The following TNFAIP8 variants were observed in gnomAD, a reference collection of about 807,000 sequenced individuals.
TNFAIP8 encodes the protein TNF alpha induced protein 8.
Under a neutral mutation model 13.3 loss-of-function variants are expected in TNFAIP8, and 7 were observed. The ratio of observed to expected loss-of-function variants is 0.52; its 90% confidence interval spans 0.30 to 0.99. The LOEUF is 0.99. TNFAIP8 is among the 50% of genes least tolerant of loss of function. The pLI is 0.07. For synonymous variants in TNFAIP8, 94 were observed against 87.6 expected (o/e 1.07, Z -0.41); for missense variants, 258 against 236.9 (o/e 1.09, Z -0.58).
chr5:119,275,309 G>C (rs1176990311), intron 1 of TNFAIP8, among the ~76,000 whole-genome samples: 1 of 152,136 alleles, frequency 6.6e-6, no homozygotes, highest in Non-Finnish European at 1.5e-5. Context: ...AGTCTGCCCA[G>C]TGTTCATTAG....
At chr5:119,318,892 G>A (rs985394872) in intron 1 of TNFAIP8, among the ~76,000 whole-genome samples, 4 of 152,118 alleles carry the variant, frequency 2.6e-5, no homozygotes, top group South Asian at 2.1e-4. Context: ...GTACTCTTAC[G>A]TGTTTGGGTC....
intron 1 of TNFAIP8, among the ~76,000 whole-genome samples, chr5:119,382,989 G>C (rs1277868779): frequency 6.6e-6 from 1 of 152,180 alleles, no homozygotes; most frequent in Non-Finnish European, 1.5e-5. Flanking sequence ...AGTTAAAATG[G>C]TTCTTTATTG....
chr5:119,271,525 G>C (rs1748291641), intron 1 of TNFAIP8, among the ~76,000 whole-genome samples: 1 of 152,204 alleles, frequency 6.6e-6, no homozygotes, highest in Non-Finnish European at 1.5e-5. Flanking sequence ...AGCAGTTGAA[G>C]GGGCTGAAAA....
chr5:119,385,695 A>G (rs1272842733), intron 1 of TNFAIP8, among the ~76,000 whole-genome samples: 1 of 152,224 alleles, frequency 6.6e-6, no homozygotes, highest in Non-Finnish European at 1.5e-5. Flanking sequence ...TTATTAGCTG[A>G]ACTATGTGAG....
chr5:119,361,121 A>G (rs911061601), intron 1 of TNFAIP8, among the ~76,000 whole-genome samples: 3 of 152,172 alleles, frequency 2.0e-5, no homozygotes, highest in Non-Finnish European at 4.4e-5. Context: ...TGCTATTGCA[A>G]AAGCAGACAT....
At chr5:119,320,260 G>T (rs759154612) in intron 1 of TNFAIP8, among the ~76,000 whole-genome samples, 6 of 152,116 alleles carry the variant, frequency 3.9e-5, no homozygotes, top group Non-Finnish European at 8.8e-5. Flanking sequence ...ATTGGTTCAG[G>T]GTCCCTAAAG....
chr5:119,286,793 A>G (rs10452544), intron 1 of TNFAIP8, among the ~76,000 whole-genome samples: 1,546 of 152,270 alleles, frequency 0.01, 16 homozygotes, highest in African/African-American at 0.035. Flanking sequence ...GTGAAACTGT[A>G]TGCAACTTCC....
At position 119,322,703 on chromosome 5, in the gene TNFAIP8, A is replaced by G. The variant is rs190736374; in HGVS notation, c.1+53796A>G. On this transcript the variant is annotated intron_variant, in intron 1 of 1. Coordinates refer to the TNFAIP8 transcript ENST00000274456. ...TTGCAGGCTTCTTCCTCTTTGTCCA[A>G]TATCAAAACGTTGGTATTTCTTAGG... Among the ~76,000 whole-genome samples the G allele has an allele frequency of 7.3e-4, 111 of 152,016 alleles. 2 individuals are homozygous for G. In the East Asian group the frequency reaches 0.017, roughly 24 times the overall value.
chr5:119,355,771 T>G, upstream of TNFAIP8: 3 of 302,770 alleles, frequency 9.9e-6, no homozygotes, highest in African/African-American at 2.2e-5. Flanking sequence ...TCGGCTGCCG[T>G]CTGGGCCTGT....
At chr5:119,305,610 G>GC (rs1749526363) in intron 1 of TNFAIP8, among the ~76,000 whole-genome samples, 1 of 150,034 alleles carries the variant, frequency 6.7e-6, no homozygotes, top group South Asian at 2.1e-4. Flanking sequence ...TCTGTTAAGA[G>GC]TTTTTTTTTT....
chr5:119,297,456 G>C (rs1293794434), intron 1 of TNFAIP8, among the ~76,000 whole-genome samples: 65 of 151,798 alleles, frequency 4.3e-4, no homozygotes, highest in Middle Eastern at 3.4e-3. Context: ...TTTGATTGCA[G>C]TGTGGTCTGA....
intron 1 of TNFAIP8, among the ~76,000 whole-genome samples, chr5:119,271,532 A>G (rs1472249837): frequency 6.6e-6 from 1 of 152,224 alleles, no homozygotes; most frequent in East Asian, 1.9e-4. Context: ...GAAGGGGCTG[A>G]AAATGGGATA....
intron 1 of TNFAIP8, among the ~76,000 whole-genome samples, chr5:119,298,333 C>T (rs1261515751): frequency 3.3e-5 from 5 of 152,048 alleles, no homozygotes; most frequent in Admixed American, 2.6e-4. Context: ...ATTTGCTTGT[C>T]TGTAAAGGAT....
chr5:119,368,117 A>G lies in TNFAIP8; in HGVS notation c.31+11996A>G, dbSNP rs74950122. Among the ~76,000 whole-genome samples, 102 of 152,308 alleles carry G rather than the reference A, an allele frequency of 6.7e-4. No homozygotes were observed. The East Asian group carries it at 0.011, about 17-fold the overall frequency. ...AGCAAGTGTGTGCCAGGTACACTAC[A>G]TGACTTCTCTTCTTGAATCTGTGGT... On this transcript the variant is annotated intron_variant, in intron 1 of 1. Transcript: ENST00000504771.
intron 1 of TNFAIP8, among the ~76,000 whole-genome samples, chr5:119,373,892 G>T (rs899935268): frequency 6.6e-6 from 1 of 152,156 alleles, no homozygotes; most frequent in Non-Finnish European, 1.5e-5. Context: ...CTCTTTTTGT[G>T]CCATGTAGGT....
intron 1 of TNFAIP8, among the ~76,000 whole-genome samples, chr5:119,328,503 T>G (rs1395101221): frequency 2.6e-5 from 4 of 151,938 alleles, no homozygotes; most frequent in South Asian, 4.2e-4. Flanking sequence ...CAAAAGGAGG[T>G]TTAACAGAAT....
At chr5:119,300,462 C>G (rs1749351743) in intron 1 of TNFAIP8, among the ~76,000 whole-genome samples, 1 of 152,160 alleles carries the variant, frequency 6.6e-6, no homozygotes, top group Admixed American at 6.5e-5. Context: ...TGTAAAAGCA[C>G]TGAGTAATGG....
chr5:119,387,505 G>A (rs539190588), intron 1 of TNFAIP8, among the ~76,000 whole-genome samples: 1 of 152,322 alleles, frequency 6.6e-6, no homozygotes, highest in Admixed American at 6.5e-5. Context: ...TGGTAAGACT[G>A]TAAAGAAAAT....
At chr5:119,350,388 A>T (rs192225) in intron 1 of TNFAIP8, among the ~76,000 whole-genome samples, 36,204 of 152,182 alleles carry the variant, frequency 0.24, 5,270 homozygotes, top group East Asian at 0.4. Context: ...TCACCATTTT[A>T]TATGAGACTT....
Sources: allele counts gnomAD v4.1 joint callset (sites outside exome capture counted in the v4.1 genomes callset), GRCh38; gene constraint gnomAD v4.1.1; transcripts MANE v1.5; gene names NCBI Gene and HGNC (gene_info 2026-07-23, HGNC 2026-07-21).